The following GRM8 variants were observed in gnomAD, a reference collection of about 807,000 sequenced individuals.
GRM8 encodes glutamate metabotropic receptor 8, also known as metabotropic glutamate receptor 8.
GRM8 carries 47 observed loss-of-function variants against 87.2 expected under a neutral mutation model. The observed-to-expected ratio is 0.54, with a 90% CI of 0.43 to 0.69. The LOEUF is 0.69. Among genes scored for constraint, GRM8 ranks in the 30% least tolerant of loss-of-function variants. The pLI is 0.00. For synonymous variants in GRM8, 396 were observed against 404.5 expected (o/e 0.98, Z 0.25); for missense variants, 1,019 against 1,139.2 (o/e 0.89, Z 1.52).
At chr7:127,128,503 A>G (rs1170151416) in intron 2 of GRM8, among the ~76,000 whole-genome samples, 1 of 152,110 alleles carries the variant, frequency 6.6e-6, no homozygotes, top group Non-Finnish European at 1.5e-5. Context: ...ACTCACTCTT[A>G]CCAAAGTCAT....
chr7:126,887,650 C>A (rs141275580), intron 6 of GRM8, among the ~76,000 whole-genome samples: 1 of 152,108 alleles, frequency 6.6e-6, no homozygotes, highest in African/African-American at 2.4e-5. Flanking sequence ...TCGCAATACA[C>A]ACTGAAGTTA....
chr7:126,873,232 C>T (rs1799253951), intron 6 of GRM8, among the ~76,000 whole-genome samples: 3 of 152,198 alleles, frequency 2.0e-5, no homozygotes, highest in African/African-American at 7.2e-5. Context: ...CAGGTCAATT[C>T]AAAAACAACC....
intron 3 of GRM8, among the ~76,000 whole-genome samples, chr7:126,956,939 A>G (rs1808751626): frequency 1.3e-5 from 2 of 152,348 alleles, no homozygotes; most frequent in Admixed American, 6.5e-5. Context: ...GATGTAGAAA[A>G]AGAAAAATAA....
At chr7:127,154,496 C>T (rs550420928) in intron 2 of GRM8, among the ~76,000 whole-genome samples, 2 of 152,204 alleles carry the variant, frequency 1.3e-5, no homozygotes, top group African/African-American at 2.4e-5. Context: ...AAGCCTGTCC[C>T]GCCCCTTTCA....
chr7:126,554,831 CT>C (rs1792964259), intron 8 of GRM8, among the ~76,000 whole-genome samples: 1 of 152,036 alleles, frequency 6.6e-6, no homozygotes, highest in Non-Finnish European at 1.5e-5. Flanking sequence ...AATTACATAA[CT>C]TTGTTTCTAA....
chr7:127,076,470 G>A (rs954904372), intron 3 of GRM8, among the ~76,000 whole-genome samples: 45 of 152,190 alleles, frequency 3.0e-4, no homozygotes, highest in Admixed American at 2.0e-4. Flanking sequence ...GAGTCCCCAA[G>A]GCTGGGATGA....
At chr7:126,591,761 G>A (rs148677767) in intron 8 of GRM8, among the ~76,000 whole-genome samples, 1,816 of 148,684 alleles carry the variant, frequency 0.012, 33 homozygotes, top group African/African-American at 0.042. Flanking sequence ...TTAGTAGAAG[G>A]AAGGAAAAAA....
chr7:127,063,051 G>A (rs1411929766), intron 3 of GRM8, among the ~76,000 whole-genome samples: 1 of 152,048 alleles, frequency 6.6e-6, no homozygotes, highest in Non-Finnish European at 1.5e-5. Context: ...AGGAGATCAA[G>A]ACCATGCTGG....
intron 3 of GRM8, among the ~76,000 whole-genome samples, chr7:126,991,904 G>A (rs1300626734): frequency 1.3e-5 from 2 of 152,128 alleles, no homozygotes; most frequent in East Asian, 1.9e-4. Context: ...GTGAGGTTCA[G>A]TGGCTGCTTT....
At chr7:127,083,169 A>G (rs1232592423) in intron 3 of GRM8, among the ~76,000 whole-genome samples, 2 of 152,180 alleles carry the variant, frequency 1.3e-5, no homozygotes, top group Non-Finnish European at 2.9e-5. Context: ...ACTCAATAAT[A>G]TTTTTTAAAA....
chr7:126,454,109 T>C (rs1680268568), intron 9 of GRM8, among the ~76,000 whole-genome samples: 1 of 151,696 alleles, frequency 6.6e-6, no homozygotes, highest in African/African-American at 2.4e-5. Flanking sequence ...TAAATAAAAG[T>C]ATAAATTAGT....
intron 8 of GRM8, 96 bp downstream of exon 8, chr7:126,609,266 G>T: frequency 1.2e-6 from 1 of 807,648 alleles, no homozygotes; most frequent in Non-Finnish European, 1.9e-6. Context: ...GTTTATTTAT[G>T]GGGAAAACCT....
intron 3 of GRM8, among the ~76,000 whole-genome samples, chr7:126,965,116 C>G (rs928348090): frequency 1.3e-5 from 2 of 152,076 alleles, no homozygotes; most frequent in African/African-American, 4.8e-5. Flanking sequence ...AATGAGAACA[C>G]ATGGACACAG....
intron 1 of GRM8, among the ~76,000 whole-genome samples, chr7:127,244,399 A>G (rs1321484224): frequency 6.6e-6 from 1 of 152,246 alleles, no homozygotes; most frequent in Non-Finnish European, 1.5e-5. Flanking sequence ...CTACACGCAA[A>G]TCTACAGACA....
intron 3 of GRM8, among the ~76,000 whole-genome samples, chr7:127,095,378 G>T (rs1824547198): frequency 6.6e-6 from 1 of 152,172 alleles, no homozygotes. Flanking sequence ...AAGGGCATGG[G>T]TGATGCTGGG....
intron 3 of GRM8, among the ~76,000 whole-genome samples, chr7:126,958,712 CACT>C (rs1217080359): frequency 1.4e-4 from 21 of 152,160 alleles, no homozygotes. Context: ...CACCACCCAC[CACT>C]GAGGCTTCCG....
intron 9 of GRM8, among the ~76,000 whole-genome samples, chr7:126,462,800 G>C (rs1359826024): frequency 6.6e-6 from 1 of 151,578 alleles, no homozygotes; most frequent in Non-Finnish European, 1.5e-5. Context: ...ACAAAAAATG[G>C]TCCTATACTT....
intron 2 of GRM8, among the ~76,000 whole-genome samples, chr7:127,190,021 G>A (rs1275478285): frequency 6.6e-6 from 1 of 152,226 alleles, no homozygotes. Context: ...CTGAGGGCTG[G>A]CTAGATGGCT....
At chr7:126,869,942 A>T (rs1397647970) in intron 6 of GRM8, 2 of 94,332 alleles carry the variant, frequency 2.1e-5, no homozygotes, top group African/African-American at 9.0e-5. Context: ...TTAAAAAAAA[A>T]AAAAAAAAAA....
Sources: gnomAD v4.1 joint callset for allele counts (sites outside exome capture counted in the v4.1 genomes callset) on GRCh38, gnomAD v4.1.1 for gene constraint, MANE v1.5 for transcripts, NCBI Gene and HGNC (gene_info 2026-07-23, HGNC 2026-07-21) for gene names.